The following SH3RF2 variants were observed in gnomAD, a reference collection of about 807,000 sequenced individuals.
SH3RF2 encodes the protein E3 ubiquitin-protein ligase SH3RF2.
A neutral mutation model predicts 59.0 loss-of-function variants in SH3RF2; 43 were observed. The ratio of observed to expected loss-of-function variants is 0.73; its 90% CI spans 0.57 to 0.94. SH3RF2 has a LOEUF of 0.94. Among genes scored for constraint, SH3RF2 ranks in the 40% least tolerant of loss-of-function variants. The pLI, the probability that SH3RF2 is intolerant of heterozygous loss-of-function variation, is 0.00. For missense variants in SH3RF2, 930 were observed against 940.1 expected (o/e 0.99, Z 0.14); for synonymous variants, 391 against 391.5 (o/e 1.00, Z 0.01).
intron 5 of SH3RF2, among the ~76,000 whole-genome samples, chr5:146,027,528 C>T (rs998317723): frequency 3.9e-5 from 6 of 152,318 alleles, no homozygotes; most frequent in Admixed American, 3.9e-4. Flanking sequence ...AGCCATGGAA[C>T]CTCCAAGCTA....
intron 9 of SH3RF2, among the ~76,000 whole-genome samples, chr5:146,070,489 A>T (rs1278170574): frequency 6.6e-6 from 1 of 152,236 alleles, no homozygotes; most frequent in Non-Finnish European, 1.5e-5. Flanking sequence ...CAGCCAAGCC[A>T]CTTGAAAAAG....
At chr5:145,997,938 A>G (rs749654787) in intron 2 of SH3RF2, 1 of 803,450 alleles carries the variant, frequency 1.2e-6, no homozygotes, top group Non-Finnish European at 2.3e-6. Context: ...TACACAGTTT[A>G]TGCCTGACCC....
chr5:146,007,603 G>C (rs935653126), intron 4 of SH3RF2, among the ~76,000 whole-genome samples: 4 of 152,044 alleles, frequency 2.6e-5, no homozygotes, highest in Non-Finnish European at 5.9e-5. Flanking sequence ...AGTCTGGGCT[G>C]GGGGGGAAGG....
chr5:146,014,103 G>A (rs1260042392), intron 5 of SH3RF2, 42 bp downstream of exon 5: 45 of 1,596,972 alleles, frequency 2.8e-5, no homozygotes, highest in Non-Finnish European at 3.2e-5. Flanking sequence ...TTGGAGTTGG[G>A]CAAGTGATTC....
intron 2 of SH3RF2, among the ~76,000 whole-genome samples, chr5:145,996,295 T>C (rs1219303394): frequency 6.6e-6 from 1 of 152,228 alleles, no homozygotes; most frequent in Non-Finnish European, 1.5e-5. Flanking sequence ...GCGAGGTGAT[T>C]ACATAATCCC....
chr5:146,081,674 C>G (rs760324190), exon 10 of SH3RF2: 2 of 152,144 alleles, frequency 1.3e-5, no homozygotes, highest in Non-Finnish European at 2.9e-5. Flanking sequence ...ATTACTCGAG[C>G]CTTCTTTGCC....
At chr5:145,982,850 A>G (rs1327638688) in intron 2 of SH3RF2, among the ~76,000 whole-genome samples, 1 of 152,202 alleles carries the variant, frequency 6.6e-6, no homozygotes, top group African/African-American at 2.4e-5. Flanking sequence ...GACCTAAAAG[A>G]TAAGTAGCGA....
At chr5:146,054,171 T>G (rs1052418857) in intron 7 of SH3RF2, among the ~76,000 whole-genome samples, 3 of 152,174 alleles carry the variant, frequency 2.0e-5, no homozygotes, top group African/African-American at 7.2e-5. Flanking sequence ...AGATAAGTGC[T>G]GAGCTTTCTG....
rs79880230 is a variant in SH3RF2, at chr5:146,023,728, C to T, written c.1059+9667C>T. On this transcript the variant is annotated intron_variant, in intron 5 of 9. Transcript: ENST00000359120. ...TTTCCTTTACTCCAAAAAGAAATCC[C>T]ACACCTCTTAGCCATCACCTCCCAA... Among the ~76,000 whole-genome samples, 624 of 152,234 alleles carry T rather than the reference C, an allele frequency of 4.1e-3. 3 individuals carry two copies. Among genetic ancestry groups the T allele is most frequent in the Middle Eastern group, 0.01 (3 of 294 alleles).
At chr5:145,983,588 G>A (rs757456111) in intron 2 of SH3RF2, among the ~76,000 whole-genome samples, 5 of 152,176 alleles carry the variant, frequency 3.3e-5, no homozygotes, top group Non-Finnish European at 5.9e-5. Flanking sequence ...ATCAACAGCT[G>A]CTGAGAGCTG....
intron 5 of SH3RF2, among the ~76,000 whole-genome samples, chr5:146,028,062 AG>A (rs1303290779): frequency 3.9e-5 from 6 of 152,050 alleles, no homozygotes; most frequent in African/African-American, 1.2e-4. Flanking sequence ...CGGGTGGAAA[AG>A]GGAGCGGCCT....
chr5:145,978,324 G>A (rs1196326596), intron 2 of SH3RF2, among the ~76,000 whole-genome samples: 1 of 152,144 alleles, frequency 6.6e-6, no homozygotes. Context: ...ACACTGGCCA[G>A]CACATTCATA....
At chr5:146,024,152 G>C (rs964539285) in intron 5 of SH3RF2, among the ~76,000 whole-genome samples, 1 of 152,202 alleles carries the variant, frequency 6.6e-6, no homozygotes, top group African/African-American at 2.4e-5. Flanking sequence ...TTAAGGAACT[G>C]CCAATGATTT....
In SH3RF2 at chr5:145,937,887, G is replaced by A; in HGVS notation, c.-42G>A. ...CGTGGCTCAACTGACCCTACCATGT[G>A]GACGCTGCTCCTCCAGGTGGGAACT... is the stretch of plus-strand genomic sequence containing the variant. On this transcript the variant is annotated 5_prime_UTR_variant, in exon 2 of 10. An upstream open reading frame in the 5' UTR gains an earlier in-frame stop. Coordinates refer to ENST00000359120, the MANE Select transcript of SH3RF2 (RefSeq NM_152550.4). 2 of 1,577,266 alleles carry A rather than the reference G, an allele frequency of 1.3e-6. No individual in the cohort carries two copies. Among genetic ancestry groups the A allele is most frequent in the Non-Finnish European group, 1.7e-6 (2 of 1,162,146 alleles).
At chr5:146,067,808 A>G (rs1007168625), downstream of SH3RF2, among the ~76,000 whole-genome samples, 6 of 152,140 alleles carry the variant, frequency 3.9e-5, no homozygotes, top group African/African-American at 1.4e-4. Context: ...TCCTTCCCTC[A>G]GGTCCTCCCC....
chr5:145,981,507 C>T (rs566093366), intron 2 of SH3RF2, among the ~76,000 whole-genome samples: 2 of 152,314 alleles, frequency 1.3e-5, no homozygotes, highest in Non-Finnish European at 1.5e-5. Flanking sequence ...TTCCCCCACA[C>T]GCACACCTCC....
intron 2 of SH3RF2, among the ~76,000 whole-genome samples, chr5:145,971,188 G>T (rs186883804): frequency 2.0e-4 from 30 of 152,330 alleles, no homozygotes; most frequent in African/African-American, 6.3e-4. Context: ...TGCAAGGACC[G>T]ATGTCTGTTA....
At chr5:145,942,250 T>G (rs1455695980) in intron 2 of SH3RF2, among the ~76,000 whole-genome samples, 4 of 152,350 alleles carry the variant, frequency 2.6e-5, no homozygotes, top group Admixed American at 1.3e-4. Flanking sequence ...ATTTTTATCT[T>G]TCGTTTTTTC....
At chr5:146,033,540 G>C (rs776950617) in intron 5 of SH3RF2, among the ~76,000 whole-genome samples, 1 of 136,760 alleles carries the variant, frequency 7.3e-6, no homozygotes, top group Non-Finnish European at 1.5e-5. Context: ...GCCCGATCTC[G>C]GCTCACTGCA....
Sources: gnomAD v4.1 joint callset for allele counts (sites outside exome capture counted in the v4.1 genomes callset) on GRCh38, gnomAD v4.1.1 for gene constraint, MANE v1.5 for transcripts, NCBI Gene and HGNC (gene_info 2026-07-23, HGNC 2026-07-21) for gene names.